Variants in WT1 observed in about 807,000 individuals in gnomAD.
The protein encoded by WT1 is Wilms tumor protein.
WT1 carries 8 observed loss-of-function variants against 60.8 expected under a neutral mutation model. The observed-to-expected ratio is 0.13, with a 90% CI of 0.08 to 0.24. The LOEUF (loss-of-function observed/expected upper bound fraction) is 0.24. Ranked by LOEUF, WT1 falls within the 10% of genes least tolerant of loss-of-function variation. The pLI is 1.00. For missense variants in WT1, 568 were observed against 711.8 expected, an observed-to-expected ratio of 0.80 and a Z score of 2.30; for synonymous variants, 312 against 297.1, an observed-to-expected ratio of 1.05 and a Z score of -0.52.
intron 5 of WT1, among the ~76,000 whole-genome samples, chr11:32,401,374 T>C (rs1446327776): frequency 6.6e-6 from 1 of 152,126 alleles, no homozygotes; most frequent in Non-Finnish European, 1.5e-5. Context: ...AGAAAATGAC[T>C]GCTGAAAACG....
chr11:32,404,481 G>A (rs1852252566), intron 5 of WT1, among the ~76,000 whole-genome samples: 1 of 152,074 alleles, frequency 6.6e-6, no homozygotes, highest in Non-Finnish European at 1.5e-5. Context: ...AAAGAACGGT[G>A]AGTCTGGGGC....
At chr11:32,428,311 T>C (rs538865804) in intron 2 of WT1, among the ~76,000 whole-genome samples, 186 bp downstream of exon 2, 3 of 152,242 alleles carry the variant, frequency 2.0e-5, no homozygotes, top group Admixed American at 6.5e-5. Context: ...GCGATGTCCC[T>C]AACGTACTTG....
intron 6 of WT1, 23 bp from the exon 7 acceptor site, chr11:32,396,430 A>G (rs773146794): frequency 6.2e-7 from 1 of 1,612,522 alleles, no homozygotes. Flanking sequence ...AGTAAGAGGA[A>G]GGGAGGCTTT....
At chr11:32,412,512 G>T (rs1413163525) in intron 5 of WT1, among the ~76,000 whole-genome samples, 1 of 151,932 alleles carries the variant, frequency 6.6e-6, no homozygotes, top group Non-Finnish European at 1.5e-5. Flanking sequence ...CATTTTGCAG[G>T]ATATTTTCTT....
At position 32,435,273 on chromosome 11, in the gene WT1, G is replaced by A; in HGVS notation, c.88C>T (p.Leu30=). The A allele has an allele frequency of 6.5e-7, 1 of 1,534,684 alleles. No homozygotes were observed. ...ACTCCCTGCTGCTCTGGCTGCTGTAGGCACCCAGGCCCGGAGCGGAGCGTG... is the reference window on the plus strand; with the variant it reads ...ACTCCCTGCTGCTCTGGCTGCTGTAAGCACCCAGGCCCGGAGCGGAGCGTG... Residue 30 remains leucine (L), a synonymous_variant, in exon 1 of 10, where the codon CTA becomes TTA. Coordinates refer to ENST00000452863, the MANE Select transcript of WT1 (RefSeq NM_024426.6).
chr11:32,406,392 A>C (rs1852310061), intron 5 of WT1, among the ~76,000 whole-genome samples: 1 of 152,126 alleles, frequency 6.6e-6, no homozygotes, highest in Non-Finnish European at 1.5e-5. Flanking sequence ...ATCTGACAGA[A>C]GGTGGAGCTC....
chr11:32,408,021 G>C (rs1852370641), intron 5 of WT1, among the ~76,000 whole-genome samples: 2 of 146,816 alleles, frequency 1.4e-5, no homozygotes, highest in South Asian at 4.4e-4. Context: ...TCAGGAGCTT[G>C]AGGCCAGCCT....
chr11:32,427,128 C>G (rs1853075601), intron 3 of WT1, among the ~76,000 whole-genome samples: 1 of 152,218 alleles, frequency 6.6e-6, no homozygotes, highest in Non-Finnish European at 1.5e-5. Context: ...CCGCACAGGC[C>G]TCGCGCTGCT....
intron 3 of WT1, among the ~76,000 whole-genome samples, chr11:32,421,490 A>AT (rs1166454449): frequency 3.9e-5 from 6 of 152,106 alleles, no homozygotes; most frequent in South Asian, 2.1e-4. Flanking sequence ...TTTTAAGTAG[A>AT]TTTTTTTTAA....
At chr11:32,396,836 T>A (rs1224785299) in intron 6 of WT1, among the ~76,000 whole-genome samples, 1 of 152,182 alleles carries the variant, frequency 6.6e-6, no homozygotes, top group Admixed American at 6.5e-5. Context: ...AGAGCCAGTC[T>A]GCAATGGGTG....
intron 5 of WT1, among the ~76,000 whole-genome samples, chr11:32,401,930 G>A (rs1156974614): frequency 6.6e-6 from 1 of 152,144 alleles, no homozygotes; most frequent in Non-Finnish European, 1.5e-5. Context: ...CTAACAGTTG[G>A]TTCCAGGGGT....
chr11:32,417,504 T>C (rs1852713050), intron 4 of WT1, 73 bp downstream of exon 4: 1 of 1,385,360 alleles, frequency 7.2e-7, no homozygotes, highest in Non-Finnish European at 1.0e-6. Flanking sequence ...CTTCATAAGT[T>C]CTAAGCACCT....
At chr11:32,428,454 C>T (rs759850491) in intron 2 of WT1, 43 bp downstream of exon 2, 2 of 1,613,094 alleles carry the variant, frequency 1.2e-6, no homozygotes, top group Non-Finnish European at 1.7e-6. Context: ...GAGGATAGCA[C>T]GGAAGAAGGG....
intron 3 of WT1, 40 bp downstream of exon 3, chr11:32,427,916 G>A (rs1347240244): frequency 1.3e-6 from 2 of 1,569,316 alleles, no homozygotes; most frequent in South Asian, 1.2e-5. Context: ...TCCCCTCCGG[G>A]GTCCCAAGGA....
chr11:32,406,291 A>G (rs1390774223), intron 5 of WT1, among the ~76,000 whole-genome samples: 1 of 152,098 alleles, frequency 6.6e-6, no homozygotes, highest in Non-Finnish European at 1.5e-5. Flanking sequence ...GGCATTAGTT[A>G]GATTCTTATA....
chr11:32,407,718 G>T (rs756734691), intron 5 of WT1, among the ~76,000 whole-genome samples: 11 of 152,096 alleles, frequency 7.2e-5, no homozygotes, highest in Non-Finnish European at 1.5e-4. Context: ...ATTCTTTTCA[G>T]TGTTGACAAT....
chr11:32,430,480 G>GAGAGAGAC, intron 1 of WT1: 1 of 1,589,122 alleles, frequency 6.3e-7, no homozygotes, highest in Admixed American at 1.7e-5. Context: ...GAGAGAGAGA[G>GAGAGAGAC]AGAGAGAGAG....
In WT1 at chr11:32,401,962, G is replaced by A. The variant is rs5030245; in HGVS notation, c.1017-1918C>T. Among the ~76,000 whole-genome samples, 988 of 152,256 alleles carry A rather than the reference G, an allele frequency of 6.5e-3. 13 individuals carry two copies. Among genetic ancestry groups the A allele is most frequent in the African/African-American group, 0.022 (921 of 41,552 alleles). On this transcript the variant is annotated intron_variant, in intron 5 of 9. Transcript: ENST00000452863. ...GGGTCCTGGGCAGGGAGGCAGGTAAGCTGGTGGGTGGATCAGCCCACTCCA... is the reference window on the plus strand; with the variant it reads ...GGGTCCTGGGCAGGGAGGCAGGTAAACTGGTGGGTGGATCAGCCCACTCCA...
chr11:32,433,579 G>A (rs1158718985), intron 1 of WT1, among the ~76,000 whole-genome samples: 2 of 152,186 alleles, frequency 1.3e-5, no homozygotes, highest in African/African-American at 4.8e-5. Context: ...AAAAGCATCC[G>A]CCATTGTATT....
Sources: gnomAD v4.1 joint callset for allele counts (sites outside exome capture counted in the v4.1 genomes callset) on GRCh38, gnomAD v4.1.1 for gene constraint, MANE v1.5 for transcripts, NCBI Gene and HGNC (gene_info 2026-07-23, HGNC 2026-07-21) for gene names.